The following IPCEF1 variants were observed in gnomAD, a reference collection of about 807,000 sequenced individuals.
IPCEF1 encodes interaction protein for cytohesin exchange factors 1, also known as interactor protein for cytohesin exchange factors 1.
IPCEF1 carries 31 observed loss-of-function variants against 50.9 expected under a neutral mutation model. The ratio of observed to expected loss-of-function variants is 0.61; its 90% CI spans 0.46 to 0.82. IPCEF1 has a LOEUF of 0.82. IPCEF1 is among the 40% of genes least tolerant of loss of function. IPCEF1 has a pLI of 0.00. For missense variants in IPCEF1, 458 were observed against 514.0 expected, an observed-to-expected ratio of 0.89 and a Z score of 1.05; for synonymous variants, 181 against 192.0, an observed-to-expected ratio of 0.94 and a Z score of 0.47.
chr6:154,171,264 G>A (rs1301709539), intron 10 of IPCEF1, among the ~76,000 whole-genome samples: 1 of 152,122 alleles, frequency 6.6e-6, no homozygotes, highest in Non-Finnish European at 1.5e-5. Context: ...ATTTGCATGT[G>A]ACAGAATAGT....
intron 1 of IPCEF1, among the ~76,000 whole-genome samples, chr6:154,309,407 C>T (rs883273): frequency 1.3e-5 from 2 of 151,980 alleles, no homozygotes; most frequent in Admixed American, 6.6e-5. Context: ...GACACCCAAC[C>T]GATGGAAGAA....
At chr6:154,197,836 TG>T (rs1776739061) in intron 10 of IPCEF1, among the ~76,000 whole-genome samples, 1 of 152,196 alleles carries the variant, frequency 6.6e-6, no homozygotes, top group South Asian at 2.1e-4. Context: ...GGTGTGTGTG[TG>T]TGTTTGAAAT....
At chr6:154,348,160 T>A (rs74989452) in intron 1 of IPCEF1, among the ~76,000 whole-genome samples, 7,234 of 152,252 alleles carry the variant, frequency 0.048, 354 homozygotes, top group African/African-American at 0.13. Flanking sequence ...AACTTTGGAA[T>A]GTTTGTGAGT....
chr6:154,159,688 CT>C lies in IPCEF1; in HGVS notation c.*139del, dbSNP rs1234592627. ...TGGTGTATTCGGTGATTATCTTCAT[CT>C]AACGTGCATCTTTAGATGGGAAGCT... On this transcript the variant is annotated 3_prime_UTR_variant, in exon 12 of 12. Coordinates refer to ENST00000367220, the MANE Select transcript of IPCEF1 (RefSeq NM_001130700.2). The C allele has an allele frequency of 4.9e-5, 33 of 672,000 alleles. No individual in the cohort carries two copies. The African/African-American group carries it at 5.8e-4, about 12-fold the overall frequency. The allele number at this position is 672,000 out of a possible 1,614,324, so 41.6% of individuals were successfully genotyped here.
rs1778900047 is a variant in IPCEF1 at position 154,221,940 on chromosome 6, G to A, written c.321-612C>T. 2.6e-5 allele frequency among the ~76,000 whole-genome samples: 4 copies of A among 152,238 alleles called. No homozygotes were observed. The South Asian group carries it at 8.3e-4, about 32-fold the overall frequency. ...ATCCTCTTCCTTTCACTTGCTAACT[G>A]CTTTGCTATAAAGATACAATAAATT... On this transcript the variant is annotated intron_variant, in intron 6 of 11. Transcript: ENST00000367220.
intron 2 of IPCEF1, among the ~76,000 whole-genome samples, chr6:154,271,337 A>G (rs893183886): frequency 4.6e-5 from 7 of 152,168 alleles, no homozygotes; most frequent in Admixed American, 1.3e-4. Context: ...CCTGGATGAC[A>G]GAGTGGGATC....
At chr6:154,246,865 A>G in intron 4 of IPCEF1, 105 bp from the exon 5 acceptor site, 3 of 1,254,912 alleles carry the variant, frequency 2.4e-6, no homozygotes, top group Non-Finnish European at 3.1e-6. Flanking sequence ...TTAATTGTTA[A>G]CCCCCCGGGG....
At chr6:154,163,766 T>G (rs542974181) in intron 11 of IPCEF1, among the ~76,000 whole-genome samples, 6 of 152,238 alleles carry the variant, frequency 3.9e-5, no homozygotes, top group Non-Finnish European at 8.8e-5. Flanking sequence ...ATTTGGAGTC[T>G]GAGGAAATCC....
intron 5 of IPCEF1, among the ~76,000 whole-genome samples, chr6:154,239,250 G>C (rs1780384646): frequency 6.6e-6 from 1 of 152,162 alleles, no homozygotes; most frequent in South Asian, 2.1e-4. Flanking sequence ...AAGTTATTGA[G>C]AACTGCCCAT....
intron 3 of IPCEF1, 21 bp from the exon 4 acceptor site, chr6:154,247,509 G>A: frequency 6.2e-7 from 1 of 1,607,378 alleles, no homozygotes; most frequent in Non-Finnish European, 8.5e-7. Context: ...AGGAAGGAAA[G>A]AAAAGAGGAA....
intron 1 of IPCEF1, among the ~76,000 whole-genome samples, chr6:154,329,045 T>C (rs1783591666): frequency 2.0e-5 from 3 of 152,014 alleles, no homozygotes; most frequent in Non-Finnish European, 4.4e-5. Context: ...CAGAAAAAAA[T>C]AATCGCAGTC....
At chr6:154,268,926 C>G (rs1162112755) in intron 2 of IPCEF1, among the ~76,000 whole-genome samples, 1 of 152,098 alleles carries the variant, frequency 6.6e-6, no homozygotes, top group African/African-American at 2.4e-5. Context: ...GAGATCGATC[C>G]CCTTTTATAG....
chr6:154,215,126 T>C (rs1299078215), intron 7 of IPCEF1, among the ~76,000 whole-genome samples: 1 of 152,188 alleles, frequency 6.6e-6, no homozygotes, highest in Non-Finnish European at 1.5e-5. Flanking sequence ...AATTCGTCTA[T>C]GCTTTTGATG....
At chr6:154,323,718 C>T (rs1349446585) in intron 1 of IPCEF1, among the ~76,000 whole-genome samples, 2 of 152,152 alleles carry the variant, frequency 1.3e-5, no homozygotes, top group East Asian at 1.9e-4. Context: ...TTTGGGAGGC[C>T]GAGGTGGGCA....
chr6:154,165,186 T>C (rs1799326961), intron 11 of IPCEF1, among the ~76,000 whole-genome samples: 1 of 152,008 alleles, frequency 6.6e-6, no homozygotes, highest in Non-Finnish European at 1.5e-5. Flanking sequence ...AATAGAAAAA[T>C]TGTGCTTAAA....
intron 5 of IPCEF1, among the ~76,000 whole-genome samples, chr6:154,236,680 T>A (rs546919644): frequency 8.5e-5 from 13 of 152,332 alleles, no homozygotes; most frequent in Middle Eastern, 3.4e-3. Context: ...TGACCTGCTG[T>A]TAATGAGCAC....
chr6:154,334,253 TATAACAGC>T (rs200648324), intron 1 of IPCEF1, among the ~76,000 whole-genome samples: 3,221 of 152,300 alleles, frequency 0.021, 59 homozygotes, highest in Non-Finnish European at 0.032. Context: ...TTAACCCAGA[TATAACAGC>T]ATAAAGAGTC....
At chr6:154,188,550 A>G (rs1359749517) in intron 10 of IPCEF1, among the ~76,000 whole-genome samples, 3 of 152,252 alleles carry the variant, frequency 2.0e-5, no homozygotes, top group Admixed American at 2.0e-4. Flanking sequence ...TAAAAGGTAT[A>G]TGGAGGTTAA....
chr6:154,344,650 CA>C (rs1783988765), intron 1 of IPCEF1, among the ~76,000 whole-genome samples: 1 of 152,192 alleles, frequency 6.6e-6, no homozygotes, highest in Non-Finnish European at 1.5e-5. Flanking sequence ...CAACTACCAT[CA>C]CAGATGGCGC....
Sources: gnomAD v4.1 joint callset for allele counts (sites outside exome capture counted in the v4.1 genomes callset) on GRCh38, gnomAD v4.1.1 for gene constraint, MANE v1.5 for transcripts, NCBI Gene and HGNC (gene_info 2026-07-23, HGNC 2026-07-21) for gene names.